The following CD226 variants were observed in gnomAD, a reference collection of about 807,000 sequenced individuals.
CD226 encodes CD226 molecule.
A neutral mutation model predicts 34.9 loss-of-function variants in CD226; 24 were observed. The observed-to-expected ratio is 0.69, with a 90% CI of 0.50 to 0.97. The LOEUF (loss-of-function observed/expected upper bound fraction) is 0.97. Among genes scored for constraint, CD226 ranks in the 50% least tolerant of loss-of-function variants. The pLI is 0.00. For missense variants in CD226, 397 were observed against 412.7 expected, an observed-to-expected ratio of 0.96 and a Z score of 0.33; for synonymous variants, 148 against 147.4, an observed-to-expected ratio of 1.00 and a Z score of -0.03.
Position 69,946,863 on chromosome 18 carries a change from T to C in CD226, c.253A>G (p.Thr85Ala), listed in dbSNP as rs1251282102. The C allele has an allele frequency of 2.5e-6, 4 of 1,614,000 alleles. No individual in the cohort carries two copies. The highest frequency in any genetic ancestry group is 1.3e-5 in the African/African-American group (1 of 74,902). ...YAERVYFLNS[T>A]MASNNMTLFF... ...AGAGTCATGTTATTGGAAGCCATCG[T>C]TGAATTCAAAAAGTAAACCCTCTCA... is the stretch of plus-strand genomic sequence containing the variant. The change falls in exon 2 of 6, where the codon ACG becomes GCG. Residue 85 changes from threonine (T) to alanine (A), a missense_variant. By Grantham distance (58) the Thr-to-Ala change is moderately conservative. Transcript: ENST00000582621.
intron 2 of CD226, among the ~76,000 whole-genome samples, chr18:69,901,928 A>C (rs973118604): frequency 6.6e-6 from 1 of 152,138 alleles, no homozygotes; most frequent in African/African-American, 2.4e-5. Flanking sequence ...GAAGCAAGAG[A>C]AGGAACCTAA....
chr18:69,947,337 T>G (rs927081475), intron 1 of CD226, 24 bp downstream of exon 1: 13 of 1,468,830 alleles, frequency 8.9e-6, no homozygotes, highest in African/African-American at 1.4e-5. Flanking sequence ...AACTTTTAAA[T>G]GAAAATATAA....
rs1049547739 is a variant in CD226, at chr18:69,860,790, T to C, written c.*3524A>G. 8.5e-5 allele frequency: 13 copies of C among 152,156 alleles called. No homozygotes were observed. The highest frequency in any genetic ancestry group is 2.9e-4 in the African/African-American group (12 of 41,460). 9.4% of individuals were successfully genotyped at this position (152,156 alleles called of 1,614,324 possible). ...ATGATGACATGTTTATATTGTCTTA[T>C]ATTTTTTAAAGATATTTTCTTATCA... On this transcript the variant is annotated 3_prime_UTR_variant, in exon 6 of 6. Coordinates refer to ENST00000582621, the MANE Select transcript of CD226 (RefSeq NM_001303618.2).
intron 2 of CD226, among the ~76,000 whole-genome samples, chr18:69,928,113 C>T (rs985310857): frequency 6.6e-6 from 1 of 152,144 alleles, no homozygotes; most frequent in African/African-American, 2.4e-5. Context: ...CACTTCAAAC[C>T]ATGTTTCACA....
chr18:69,924,040 C>T (rs2055489810), intron 2 of CD226, among the ~76,000 whole-genome samples: 1 of 151,834 alleles, frequency 6.6e-6, no homozygotes, highest in South Asian at 2.1e-4. Flanking sequence ...AGGATGGCTT[C>T]CACAAAACTC....
rs1158848910 is a variant in CD226, at chr18:69,859,117, G to T, written c.*5197C>A. On this transcript the variant is annotated 3_prime_UTR_variant, in exon 6 of 6. Transcript: ENST00000582621. ...ACAACACGGAAACACATGTCCTTTT[G>T]TTCTGGAAAATGTTTTAGAGTGGAT... The T allele has an allele frequency of 6.6e-6, 1 of 152,086 alleles. No individual in the cohort carries two copies. Among genetic ancestry groups the T allele is most frequent in the Non-Finnish European group, 1.5e-5 (1 of 68,024 alleles). The allele number at this position is 152,086 out of a possible 1,614,324, so 9.4% of individuals were successfully genotyped here. A position where few individuals can be genotyped will look rare whatever the true frequency, so the allele number is the denominator to read the frequency against.
upstream of CD226, among the ~76,000 whole-genome samples, chr18:69,949,738 C>T (rs538907930): frequency 0.01 from 1,550 of 152,092 alleles, 27 homozygotes; most frequent in African/African-American, 0.036. Flanking sequence ...TTCACACACA[C>T]AACATGCACC....
At chr18:69,925,168 G>A (rs1167003435) in intron 2 of CD226, among the ~76,000 whole-genome samples, 1 of 152,178 alleles carries the variant, frequency 6.6e-6, no homozygotes, top group Non-Finnish European at 1.5e-5. Flanking sequence ...TGGCCACCAT[G>A]CTTCAGAATG....
intron 2 of CD226, among the ~76,000 whole-genome samples, chr18:69,896,715 CTCTGACACTGACCTACAGTATCAAA>C (rs1985325265): frequency 6.6e-6 from 1 of 152,124 alleles, no homozygotes; most frequent in Non-Finnish European, 1.5e-5. Flanking sequence ...GGGCTGGTGT[CTCTGACACTGACCTACAGTATCAAA>C]TGTTCAGGTT....
intron 2 of CD226, among the ~76,000 whole-genome samples, chr18:69,931,491 A>G (rs1265587285): frequency 2.0e-5 from 3 of 152,218 alleles, no homozygotes; most frequent in Non-Finnish European, 4.4e-5. Flanking sequence ...ATATTACAGC[A>G]TCAGGCATAG....
chr18:69,882,262 C>A (rs1210573962), intron 3 of CD226, among the ~76,000 whole-genome samples: 1 of 152,152 alleles, frequency 6.6e-6, no homozygotes, highest in African/African-American at 2.4e-5. Flanking sequence ...AGGTGGGAAA[C>A]TTTCTTTATG....
upstream of CD226, among the ~76,000 whole-genome samples, chr18:69,960,504 C>G (rs1031311488): frequency 2.0e-4 from 30 of 152,304 alleles, no homozygotes; most frequent in African/African-American, 6.5e-4. Context: ...GGCTGGAGCA[C>G]AGTGACACGA....
chr18:69,897,525 G>A (rs1206833151), intron 2 of CD226, among the ~76,000 whole-genome samples: 1 of 152,054 alleles, frequency 6.6e-6, no homozygotes, highest in Admixed American at 6.5e-5. Context: ...AGGGAGAAAT[G>A]CAAAAAGTGG....
chr18:69,894,087 A>C (rs554274866), intron 3 of CD226, among the ~76,000 whole-genome samples: 1 of 151,602 alleles, frequency 6.6e-6, no homozygotes, highest in Non-Finnish European at 1.5e-5. Flanking sequence ...AAGAAAAGGG[A>C]ATGGAACAGA....
intron 2 of CD226, among the ~76,000 whole-genome samples, chr18:69,913,331 T>C (rs2055348707): frequency 6.6e-6 from 1 of 152,200 alleles, no homozygotes; most frequent in African/African-American, 2.4e-5. Flanking sequence ...ATTGAAGAGA[T>C]AAGTGTGCCT....
chr18:69,894,079 G>T (rs1042936586), intron 3 of CD226, among the ~76,000 whole-genome samples: 4 of 151,216 alleles, frequency 2.6e-5, no homozygotes, highest in African/African-American at 9.7e-5. Flanking sequence ...AGGAAGAAAA[G>T]AAAAGGGAAT....
intron 2 of CD226, among the ~76,000 whole-genome samples, chr18:69,936,456 T>C (rs1728055562): frequency 6.6e-6 from 1 of 152,250 alleles, no homozygotes; most frequent in African/African-American, 2.4e-5. Context: ...AGTCTTAAAA[T>C]GTTTTTTATC....
At chr18:69,917,687 G>T (rs976686690) in intron 2 of CD226, among the ~76,000 whole-genome samples, 2 of 152,058 alleles carry the variant, frequency 1.3e-5, no homozygotes, top group Admixed American at 1.3e-4. Context: ...TTTCCAAATG[G>T]GTGCTTTCGT....
chr18:69,876,486 C>T (rs1983871281), intron 3 of CD226, among the ~76,000 whole-genome samples: 1 of 152,172 alleles, frequency 6.6e-6, no homozygotes, highest in Middle Eastern at 3.2e-3. Context: ...TGGATCAGAT[C>T]CATTTATTCA....
Sources: allele counts gnomAD v4.1 joint callset (sites outside exome capture counted in the v4.1 genomes callset), GRCh38; gene constraint gnomAD v4.1.1; transcripts MANE v1.5; gene names NCBI Gene and HGNC (gene_info 2026-07-23, HGNC 2026-07-21).